KIF1B: variants seen among roughly 807,000 people sequenced by gnomAD.
KIF1B encodes kinesin family member 1B.
In KIF1B, 76 loss-of-function variants were observed where a neutral mutation model predicts 241.9. The observed-to-expected ratio is 0.31, with a 90% CI of 0.26 to 0.38. The LOEUF (loss-of-function observed/expected upper bound fraction) is 0.38, where lower values mean the gene tolerates loss of function less well. Among genes scored for constraint, KIF1B ranks in the 10% least tolerant of loss-of-function variants. The pLI, the probability that KIF1B is intolerant of heterozygous loss-of-function variation, is 1.00. For missense variants in KIF1B, 1,622 were observed against 2,271.4 expected (o/e 0.71, Z 5.81); for synonymous variants, 750 against 796.7 (o/e 0.94, Z 0.99).
At position 10,301,674 on chromosome 1, in the gene KIF1B, C is replaced by G. The variant is rs528865278; in HGVS notation, c.2115+4428C>G. Among the ~76,000 whole-genome samples, 6 of 151,892 alleles carry G rather than the reference C, an allele frequency of 4.0e-5. No homozygotes were observed. In the South Asian group the frequency reaches 1.0e-3, roughly 26 times the overall value. ...GATTCTGTCTCAAAAAAAAAAGAAA[C>G]AAAGAAAGAAAGTAAAGCAATAAAG... On this transcript the variant is annotated intron_variant, in intron 22 of 48. Coordinates refer to ENST00000676179, the MANE Select transcript of KIF1B (RefSeq NM_001365951.3).
chr1:10,252,656 C>G (rs988385104), intron 2 of KIF1B, among the ~76,000 whole-genome samples: 1 of 151,998 alleles, frequency 6.6e-6, no homozygotes, highest in Non-Finnish European at 1.5e-5. Flanking sequence ...CAGCGATCCT[C>G]CTGCCTGAGC....
chr1:10,288,806 C>CT (rs1252596080), intron 15 of KIF1B, among the ~76,000 whole-genome samples: 1 of 152,050 alleles, frequency 6.6e-6, no homozygotes, highest in East Asian at 1.9e-4. Context: ...AATCTTTACT[C>CT]TTGCTTTTTT....
chr1:10,292,674 C>A (rs1352835805), intron 17 of KIF1B, among the ~76,000 whole-genome samples: 1 of 152,196 alleles, frequency 6.6e-6, no homozygotes, highest in African/African-American at 2.4e-5. Context: ...CCAATAGTTA[C>A]CTTCCTTTTT....
intron 17 of KIF1B, 126 bp downstream of exon 17, chr1:10,292,248 AGATATTTCT>A (rs1218349300): frequency 7.9e-6 from 6 of 758,496 alleles, no homozygotes; most frequent in Non-Finnish European, 1.2e-5. Context: ...CCTTAATTTC[AGATATTTCT>A]GATTTCATCT....
intron 38 of KIF1B, among the ~76,000 whole-genome samples, chr1:10,357,604 G>C (rs1051977201): frequency 6.6e-6 from 1 of 152,018 alleles, no homozygotes; most frequent in South Asian, 2.1e-4. Flanking sequence ...GTGGTGGCTC[G>C]TGCCTATATT....
intron 43 of KIF1B, among the ~76,000 whole-genome samples, chr1:10,366,162 C>T (rs568699503): frequency 2.6e-4 from 40 of 152,080 alleles, no homozygotes; most frequent in Admixed American, 1.0e-3. Context: ...ACCCAGGAGG[C>T]GGAGATTGCA....
chr1:10,305,700 G>A (rs922295421), intron 22 of KIF1B: 5 of 1,057,770 alleles, frequency 4.7e-6, no homozygotes, highest in Admixed American at 5.4e-5. Context: ...CAAGGAAGGC[G>A]AAGTCCTGAT....
intron 39 of KIF1B, 149 bp downstream of exon 39, chr1:10,361,192 A>G (rs1426482670): frequency 2.8e-6 from 2 of 705,512 alleles, no homozygotes; most frequent in East Asian, 2.7e-5. Context: ...ATACATTGCT[A>G]ACTCTTCTGA....
chr1:10,291,068 G>A lies in KIF1B; in HGVS notation c.1435-14G>A, dbSNP rs762855486. On this transcript the variant is annotated splice_polypyrimidine_tract_variant and intron_variant, in intron 15 of 48. Transcript: ENST00000676179. ...AGACTCTTTGCCTCTTTAACTGTGC[G>A]CTTCCTTCCTTAGGAATCAGAGAAG... 8.1e-6 allele frequency: 13 copies of A among 1,606,974 alleles called. No individual in the cohort carries two copies. Among genetic ancestry groups the A allele is most frequent in the South Asian group, 3.3e-5 (3 of 90,902 alleles).
At chr1:10,305,190 TA>T in intron 22 of KIF1B, 1 of 1,047,496 alleles carries the variant, frequency 9.5e-7, no homozygotes, top group Non-Finnish European at 1.2e-6. Context: ...AAGCCAAAAC[TA>T]AAGGTCTTCA....
intron 38 of KIF1B, among the ~76,000 whole-genome samples, chr1:10,359,464 A>T (rs971926273): frequency 6.6e-6 from 1 of 152,190 alleles, no homozygotes; most frequent in East Asian, 1.9e-4. Context: ...TAAGTGCTGT[A>T]TTTCACATTA....
chr1:10,350,383 C>T (rs1001221681), intron 37 of KIF1B, among the ~76,000 whole-genome samples: 1 of 151,588 alleles, frequency 6.6e-6, no homozygotes, highest in African/African-American at 2.4e-5. Flanking sequence ...CACGGTGAAA[C>T]CCCGTCTCTA....
Position 10,378,734 on chromosome 1 carries a change from G to T in KIF1B, c.*2147G>T. ...TCACTTCCTGGTTGGGCTCATCTCT[G>T]AAGAACAGGTCTCCCAGCTTCGCTC... On this transcript the variant is annotated 3_prime_UTR_variant, in exon 49 of 49. Coordinates refer to ENST00000676179, the MANE Select transcript of KIF1B (RefSeq NM_001365951.3). 2.7e-6 allele frequency: 1 copy of T among 364,036 alleles called. No individual in the cohort carries two copies. The highest frequency in any genetic ancestry group is 2.0e-5 in the African/African-American group (1 of 49,510). The allele number at this position is 364,036 out of a possible 1,614,324, so 22.6% of individuals were successfully genotyped here. A position where few individuals can be genotyped will look rare whatever the true frequency, so the allele number is the denominator to read the frequency against.
In KIF1B at chr1:10,283,709, C is replaced by T. The variant is rs564281367; in HGVS notation, c.1434+1176C>T. Among the ~76,000 whole-genome samples the T allele has an allele frequency of 3.9e-5, 6 of 152,328 alleles. No homozygotes were observed. In the East Asian group the frequency reaches 1.2e-3, roughly 29 times the overall value. ...CTCCAGGAAGATAGTTTGACCCATA[C>T]CTTTTAGCCATTGTGTTCAAGAGTG... On this transcript the variant is annotated intron_variant, in intron 15 of 48. Coordinates refer to ENST00000676179, the MANE Select transcript of KIF1B (RefSeq NM_001365951.3).
chr1:10,271,107 C>T (rs1208165622), intron 7 of KIF1B, among the ~76,000 whole-genome samples: 2 of 150,842 alleles, frequency 1.3e-5, no homozygotes, highest in Admixed American at 6.6e-5. Flanking sequence ...TAAATTATGT[C>T]ATGTTTATCC....
Position 10,276,348 on chromosome 1 carries a change from C to G in KIF1B, c.986C>G (p.Ala329Gly). The G allele has an allele frequency of 6.2e-6, 10 of 1,613,882 alleles. No homozygotes were observed. The highest frequency in any genetic ancestry group is 8.5e-6 in the Non-Finnish European group (10 of 1,179,824). The change falls in exon 12 of 49, where the codon GCT becomes GGT. Residue 329 changes from alanine to glycine, a missense_variant. Physicochemically the swap from Ala to Gly is moderately conservative, Grantham distance 60. Transcript: ENST00000676179. ...LGGNSRTAMVAALSPADINYD... is the reference protein window; with the variant it reads ...LGGNSRTAMVGALSPADINYD... The stretch of plus-strand genomic sequence containing the variant: ...GGCAATTCTCGGACTGCAATGGTTG[C>G]TGCTCTGAGCCCCGCGGATATCAAC...
intron 25 of KIF1B, 30 bp downstream of exon 25, chr1:10,324,092 T>C (rs747345627): frequency 8.9e-5 from 144 of 1,609,480 alleles, no homozygotes; most frequent in Non-Finnish European, 1.2e-4. Context: ...GGCTGGTTGT[T>C]TTATTTAGGA....
rs1220842656 is a variant in KIF1B at position 10,295,531 on chromosome 1, G to A, written c.1671-129G>A. The A allele has an allele frequency of 8.6e-6, 7 of 816,828 alleles. No individual in the cohort carries two copies. The African/African-American group carries it at 1.2e-4, about 14-fold the overall frequency. The allele number at this position is 816,828 out of a possible 1,614,324, so 50.6% of individuals were successfully genotyped here. A position where few individuals can be genotyped will look rare whatever the true frequency, so the allele number is the denominator to read the frequency against. ...GTGAGGATAGAATTCATAGTTGAAA[G>A]CTTCTGATGCAACAAGGCAATACCT... is the stretch of plus-strand genomic sequence containing the variant. On this transcript the variant is annotated intron_variant, in intron 18 of 48. Coordinates refer to ENST00000676179, the MANE Select transcript of KIF1B (RefSeq NM_001365951.3).
Position 10,284,355 on chromosome 1 carries a change from G to A in KIF1B, c.1434+1822G>A, listed in dbSNP as rs1018909067. ...ATCTGAGGTCAGGAGTTCAAGACCC[G>A]CTTGGCCAACAGTGAAACCCCATCT... On this transcript the variant is annotated intron_variant, in intron 15 of 48. Transcript: ENST00000676179. 3.9e-5 allele frequency among the ~76,000 whole-genome samples: 6 copies of A among 152,062 alleles called. No homozygotes were observed. In the East Asian group the frequency reaches 7.7e-4, roughly 20 times the overall value.
Sources: gnomAD v4.1 joint callset for allele counts (sites outside exome capture counted in the v4.1 genomes callset) on GRCh38, gnomAD v4.1.1 for gene constraint, MANE v1.5 for transcripts, NCBI Gene and HGNC (gene_info 2026-07-23, HGNC 2026-07-21) for gene names.